GRM8: variants seen among roughly 807,000 people sequenced by gnomAD.
GRM8 encodes metabotropic glutamate receptor 8.
A neutral mutation model predicts 87.2 loss-of-function variants in GRM8; 47 were observed. The ratio of observed to expected loss-of-function variants is 0.54; its 90% CI spans 0.43 to 0.69. The LOEUF (loss-of-function observed/expected upper bound fraction) is 0.69. GRM8 is among the 30% of genes least tolerant of loss of function. The pLI, the probability that GRM8 is intolerant of heterozygous loss-of-function variation, is 0.00. For synonymous variants in GRM8, 396 were observed against 404.5 expected (o/e 0.98, Z 0.25); for missense variants, 1,019 against 1,139.2 (o/e 0.89, Z 1.52).
chr7:126,649,317 A>G (rs1419424237), intron 7 of GRM8, among the ~76,000 whole-genome samples: 1 of 152,178 alleles, frequency 6.6e-6, no homozygotes, highest in Admixed American at 6.5e-5. Flanking sequence ...CTGCCAGCAC[A>G]GCCAGAATAT....
chr7:126,892,048 A>G (rs1236273711), intron 6 of GRM8, among the ~76,000 whole-genome samples: 1 of 142,488 alleles, frequency 7.0e-6, no homozygotes, highest in Admixed American at 7.1e-5. Flanking sequence ...AAAAAACCCT[A>G]ATAAACTAAT....
chr7:127,107,880 A>T (rs1212314144), intron 2 of GRM8, among the ~76,000 whole-genome samples: 1 of 152,204 alleles, frequency 6.6e-6, no homozygotes, highest in Admixed American at 6.5e-5. Flanking sequence ...CCTAAAACGT[A>T]AAAGTCATCC....
At position 127,166,586 on chromosome 7, in the gene GRM8, C is replaced by T. The variant is rs998905984; in HGVS notation, c.511-59874G>A. On this transcript the variant is annotated intron_variant, in intron 2 of 10. Transcript: ENST00000339582. ...ACATTCCAGGAGCCAGGAAAGGCGG[C>T]GATGGGACTGAACACAAAGCTCTTT... Among the ~76,000 whole-genome samples, 26 of 151,984 alleles carry T rather than the reference C, an allele frequency of 1.7e-4. 1 individual carries two copies. Among genetic ancestry groups the T allele is most frequent in the African/African-American group, 6.0e-4 (25 of 41,374 alleles).
intron 2 of GRM8, among the ~76,000 whole-genome samples, chr7:127,120,271 C>G (rs775315076): frequency 6.6e-6 from 1 of 152,192 alleles, no homozygotes; most frequent in African/African-American, 2.4e-5. Flanking sequence ...GAAATGAAGA[C>G]TCTTTAAAAA....
At chr7:126,639,246 T>C (rs1802146629) in intron 7 of GRM8, among the ~76,000 whole-genome samples, 1 of 152,204 alleles carries the variant, frequency 6.6e-6, no homozygotes, top group African/African-American at 2.4e-5. Context: ...TGCATGGAAG[T>C]GCATCTACTG....
chr7:127,133,632 G>A (rs1827803733), intron 2 of GRM8, among the ~76,000 whole-genome samples: 1 of 150,668 alleles, frequency 6.6e-6, no homozygotes, highest in South Asian at 2.1e-4. Flanking sequence ...CACGAACCCG[G>A]GAGGCGGAGC....
chr7:126,526,144 T>C (rs1471601384), intron 9 of GRM8, among the ~76,000 whole-genome samples: 1 of 152,176 alleles, frequency 6.6e-6, no homozygotes, highest in Non-Finnish European at 1.5e-5. Context: ...CCATGAGAGA[T>C]AAGCATCTAC....
At chr7:126,565,610 G>A (rs1370019405) in intron 8 of GRM8, among the ~76,000 whole-genome samples, 2 of 151,976 alleles carry the variant, frequency 1.3e-5, no homozygotes. Context: ...GAAAATGCCA[G>A]ACTACTCAAA....
intron 7 of GRM8, among the ~76,000 whole-genome samples, chr7:126,638,242 C>T (rs1179126553): frequency 2.6e-5 from 4 of 151,966 alleles, no homozygotes; most frequent in Non-Finnish European, 5.9e-5. Context: ...TCTTCTTTCC[C>T]TCATTGTGTT....
At chr7:126,563,024 A>T (rs1793870941) in intron 8 of GRM8, among the ~76,000 whole-genome samples, 1 of 152,228 alleles carries the variant, frequency 6.6e-6, no homozygotes, top group African/African-American at 2.4e-5. Flanking sequence ...CTGTTTCCGT[A>T]CTGCCCATTG....
At chr7:127,154,432 G>C (rs1356016964) in intron 2 of GRM8, among the ~76,000 whole-genome samples, 2 of 151,906 alleles carry the variant, frequency 1.3e-5, no homozygotes, top group Non-Finnish European at 2.9e-5. Flanking sequence ...TCTCTCCCCA[G>C]CCCCTTCCAT....
At chr7:127,139,503 A>C (rs1828139170) in intron 2 of GRM8, among the ~76,000 whole-genome samples, 1 of 152,156 alleles carries the variant, frequency 6.6e-6, no homozygotes, top group Non-Finnish European at 1.5e-5. Flanking sequence ...ATTATTTAAA[A>C]AGTAACTGGC....
intron 2 of GRM8, among the ~76,000 whole-genome samples, chr7:127,132,949 A>G (rs1445011595): frequency 1.3e-5 from 2 of 152,244 alleles, no homozygotes; most frequent in Non-Finnish European, 2.9e-5. Context: ...AATTAGTCCC[A>G]TAAATCTCTA....
chr7:127,077,984 C>T (rs1822469935), intron 3 of GRM8, among the ~76,000 whole-genome samples: 1 of 152,200 alleles, frequency 6.6e-6, no homozygotes, highest in African/African-American at 2.4e-5. Context: ...AAACATCCTG[C>T]AATGCACAGG....
intron 9 of GRM8, among the ~76,000 whole-genome samples, chr7:126,460,947 G>T (rs1330750473): frequency 1.3e-5 from 2 of 151,446 alleles, no homozygotes; most frequent in African/African-American, 4.8e-5. Context: ...TCACTCAGAA[G>T]CCCTAGGCAT....
At chr7:127,160,356 TAAAC>T (rs1194826904) in intron 2 of GRM8, among the ~76,000 whole-genome samples, 2 of 151,894 alleles carry the variant, frequency 1.3e-5, no homozygotes, top group Admixed American at 1.3e-4. Flanking sequence ...TTTAATAAGA[TAAAC>T]AAAAACTAGC....
At chr7:126,617,736 GACAA>G (rs1474065468) in intron 7 of GRM8, among the ~76,000 whole-genome samples, 1 of 152,098 alleles carries the variant, frequency 6.6e-6, no homozygotes, top group African/African-American at 2.4e-5. Flanking sequence ...ACCAATAACA[GACAA>G]ACAGAGAGCC....
intron 3 of GRM8, among the ~76,000 whole-genome samples, chr7:126,930,548 A>G (rs1426504178): frequency 6.6e-6 from 1 of 152,182 alleles, no homozygotes; most frequent in Non-Finnish European, 1.5e-5. Flanking sequence ...GGGAAAGCAC[A>G]ATATTAAACA....
intron 3 of GRM8, among the ~76,000 whole-genome samples, chr7:126,959,239 A>C (rs1809057916): frequency 6.6e-6 from 1 of 152,242 alleles, no homozygotes; most frequent in African/African-American, 2.4e-5. Context: ...AGAGGCAATA[A>C]GGACAGTCTG....
Sources: gnomAD v4.1 joint callset for allele counts (sites outside exome capture counted in the v4.1 genomes callset) on GRCh38, gnomAD v4.1.1 for gene constraint, MANE v1.5 for transcripts, NCBI Gene and HGNC (gene_info 2026-07-23, HGNC 2026-07-21) for gene names.